Variants in NCOR2 observed in about 807,000 individuals in gnomAD.
NCOR2 encodes CTG repeat protein 26.
NCOR2 carries 81 observed loss-of-function variants against 262.9 expected under a neutral mutation model. That is an observed-to-expected ratio of 0.31 (90% CI 0.26 to 0.37). The LOEUF (loss-of-function observed/expected upper bound fraction) is 0.37, where lower values mean the gene tolerates loss of function less well. Among genes scored for constraint, NCOR2 ranks in the 10% least tolerant of loss-of-function variants. The pLI, the probability that NCOR2 is intolerant of heterozygous loss-of-function variation, is 1.00. For missense variants in NCOR2, 3,385 were observed against 3,621.4 expected (o/e 0.93, Z 1.68); for synonymous variants, 1,659 against 1,559.3 (o/e 1.06, Z -1.51).
chr12:124,337,135 T>C, exon 38 of NCOR2: 1 of 1,515,148 alleles, frequency 6.6e-7, no homozygotes, highest in Non-Finnish European at 8.9e-7. Flanking sequence ...GGGTGGCAGG[T>C]GGGAATGTGG....
chr12:124,332,997 G>C (rs1050582489), intron 42 of NCOR2, 133 bp downstream of exon 44: 1 of 1,238,838 alleles, frequency 8.1e-7, no homozygotes, highest in African/African-American at 1.5e-5. Context: ...AAACCTGCTT[G>C]GCAGGCTTGA....
At chr12:124,499,472 G>A (rs947722232), upstream of NCOR2, among the ~76,000 whole-genome samples, 5 of 151,596 alleles carry the variant, frequency 3.3e-5, no homozygotes, top group East Asian at 1.9e-4. Context: ...CAGGAGATAC[G>A]AGGAAGAAGA....
chr12:124,456,980 G>A (rs1471328103), intron 6 of NCOR2, 126 bp downstream of exon 8: 7 of 675,900 alleles, frequency 1.0e-5, no homozygotes, highest in African/African-American at 4.2e-5. Flanking sequence ...CTTCCTCCGC[G>A]GACGCCGCCT....
intron 7 of NCOR2, among the ~76,000 whole-genome samples, chr12:124,448,954 CT>C (rs889743316): frequency 2.8e-4 from 42 of 152,316 alleles, no homozygotes; most frequent in African/African-American, 1.0e-3. Flanking sequence ...AGCTATGATC[CT>C]GAAGAGTCTC....
chr12:124,500,097 C>G (rs2136939623), upstream of NCOR2, among the ~76,000 whole-genome samples: 1 of 152,240 alleles, frequency 6.6e-6, no homozygotes, highest in South Asian at 2.1e-4. Flanking sequence ...TCAGGAGGGT[C>G]AGGCCTCCGA....
At position 124,350,741 on chromosome 12, in the gene NCOR2, C is replaced by A. The variant is rs1159495737; in HGVS notation, c.3694-4G>T. Reference sequence around the variant, plus strand: ...ACAGGACGTCAGCTGGCGTGCCCTGCAGGTGCAGAGGGGTGAGCGCCCAGG... The same window carrying A: ...ACAGGACGTCAGCTGGCGTGCCCTGAAGGTGCAGAGGGGTGAGCGCCCAGG... On this transcript the variant is annotated splice_region_variant and splice_polypyrimidine_tract_variant and intron_variant, in intron 27 of 46. Coordinates refer to ENST00000405201, the Ensembl canonical transcript of NCOR2. 3 of 1,609,470 alleles carry A rather than the reference C, an allele frequency of 1.9e-6. No homozygotes were observed. In the African/African-American group the frequency reaches 4.0e-5, roughly 21 times the overall value.
chr12:124,486,325 G>A (rs552166319), intron 2 of NCOR2, 116 bp downstream of exon 4: 111 of 1,468,858 alleles, frequency 7.6e-5, no homozygotes, highest in Admixed American at 1.4e-4. Context: ...CACACGGCCC[G>A]ACATCCCCTC....
At chr12:124,563,605 G>T (rs763912915) in intron 1 of NCOR2, among the ~76,000 whole-genome samples, 2 of 152,270 alleles carry the variant, frequency 1.3e-5, no homozygotes, top group African/African-American at 4.8e-5. Context: ...GAACTCTGCC[G>T]CTGCAGCTTT....
rs151131560 is a variant in NCOR2, at chr12:124,452,052, G to A, written c.763-2185C>T. Among the ~76,000 whole-genome samples the A allele has an allele frequency of 3.8e-3, 578 of 152,310 alleles. 1 individual carries two copies. Among genetic ancestry groups the A allele is most frequent in the African/African-American group, 0.012 (508 of 41,570 alleles). ...CAGCTGCCATGGGCCATTTCTCCCC[G>A]TGCCGGGTCAGGCTCCCCTCCCAAG... On this transcript the variant is annotated intron_variant, in intron 6 of 46. Coordinates refer to ENST00000405201, the Ensembl canonical transcript of NCOR2.
At position 124,469,342 on chromosome 12, in the gene NCOR2, G is replaced by C. The variant is rs541611801; in HGVS notation, c.592-3056C>G. Among the ~76,000 whole-genome samples, 27 of 152,268 alleles carry C rather than the reference G, an allele frequency of 1.8e-4. No individual in the cohort carries two copies. The South Asian group carries it at 3.5e-3, about 20-fold the overall frequency. ...GATGCTGGCTTTTACAGACTCCATC[G>C]CTGGCGGTTTGAGCAGAACTGCCTC... On this transcript the variant is annotated intron_variant, in intron 4 of 46. Transcript: ENST00000405201.
chr12:124,346,694 G>A lies in NCOR2; in HGVS notation c.4229C>T (p.Ala1410Val). The A allele has an allele frequency of 2.5e-6, 4 of 1,571,842 alleles. No individual in the cohort carries two copies. The South Asian group carries it at 4.7e-5, about 18-fold the overall frequency. Residue 1410 changes from alanine (A) to valine (V), a missense_variant, in exon 31 of 47, where the codon GCC becomes GTC. Ala to Val is a moderately conservative substitution (Grantham distance 64). Around this residue, in one of 5 missense-constraint regions of NCOR2, gnomAD observed 1,615 missense variants for 1,626.9 expected, o/e 0.99. Coordinates refer to ENST00000405201, the Ensembl canonical transcript of NCOR2. ...CACCGTGGCCACCAGGCCCTCATGGGCCGGCTTCAGCTTCAGGGGGCCCAG... is the reference window on the plus strand; with the variant it reads ...CACCGTGGCCACCAGGCCCTCATGGACCGGCTTCAGCTTCAGGGGGCCCAG...
chr12:124,557,105 C>A (rs1049775740), intron 1 of NCOR2, among the ~76,000 whole-genome samples: 4 of 152,198 alleles, frequency 2.6e-5, no homozygotes, highest in African/African-American at 9.7e-5. Flanking sequence ...AGAGCAGCAG[C>A]GGGACTGTCC....
chr12:124,364,311 G>A (rs2135978156), intron 20 of NCOR2, among the ~76,000 whole-genome samples: 1 of 152,356 alleles, frequency 6.6e-6, no homozygotes, highest in East Asian at 1.9e-4. Flanking sequence ...AATCTGAGAG[G>A]CTCGGGTGCC....
At chr12:124,508,882 G>A (rs1035585168) in intron 1 of NCOR2, among the ~76,000 whole-genome samples, 20 of 152,308 alleles carry the variant, frequency 1.3e-4, no homozygotes, top group African/African-American at 4.8e-4. Flanking sequence ...GAGCTGAAGC[G>A]GGCTGATGGG....
At chr12:124,515,562 TGTGA>T (rs768324957) in intron 1 of NCOR2, among the ~76,000 whole-genome samples, 32 of 152,082 alleles carry the variant, frequency 2.1e-4, no homozygotes, top group Admixed American at 1.6e-3. Flanking sequence ...CACTCACTTG[TGTGA>T]GTGTGTGTGT....
intron 5 of NCOR2, among the ~76,000 whole-genome samples, chr12:124,458,423 C>T (rs2045992439): frequency 6.6e-6 from 1 of 152,304 alleles, no homozygotes; most frequent in Admixed American, 6.5e-5. Flanking sequence ...CTGCCTCCGC[C>T]TACAGCCCAG....
chr12:124,526,229 C>T (rs1036100507), intron 1 of NCOR2, among the ~76,000 whole-genome samples: 3 of 152,190 alleles, frequency 2.0e-5, no homozygotes, highest in Admixed American at 1.3e-4. Flanking sequence ...TTCCTCAACT[C>T]CTCTCTCCAC....
At chr12:124,413,528 G>A (rs868685346) in intron 13 of NCOR2, among the ~76,000 whole-genome samples, 39 of 152,270 alleles carry the variant, frequency 2.6e-4, no homozygotes, top group Middle Eastern at 6.8e-3. Context: ...CCCTGCGAGC[G>A]GCCTCTGTCC....
At chr12:124,462,294 T>C (rs2046203544) in intron 5 of NCOR2, among the ~76,000 whole-genome samples, 2 of 152,288 alleles carry the variant, frequency 1.3e-5, no homozygotes, top group Admixed American at 1.3e-4. Context: ...GCCCCTTCTC[T>C]GCCACACTGG....
Sources: gnomAD v4.1 joint callset for allele counts (sites outside exome capture counted in the v4.1 genomes callset) on GRCh38, gnomAD v4.1.1 for gene constraint, gnomAD v4.1.1 regional missense constraint, MANE v1.5 for transcripts, NCBI Gene and HGNC (gene_info 2026-07-23, HGNC 2026-07-21) for gene names.